The following CCDC125 variants were observed in gnomAD, a reference collection of about 807,000 sequenced individuals.
The protein encoded by CCDC125 is coiled-coil domain-containing protein 125.
Under a neutral mutation model 57.4 loss-of-function variants are expected in CCDC125, and 43 were observed. The observed-to-expected ratio is 0.75, with a 90% CI of 0.59 to 0.97. CCDC125 has a LOEUF of 0.97. CCDC125 is among the 50% of genes least tolerant of loss of function. The probability of loss-of-function intolerance (pLI) is 0.00; values close to 1 mark genes in which losing one functional copy is unlikely to be tolerated. For synonymous variants in CCDC125, 187 were observed against 195.2 expected (o/e 0.96, Z 0.35); for missense variants, 563 against 595.7 (o/e 0.95, Z 0.57).
chr5:69,278,519 T>G (rs950436250), downstream of CCDC125, among the ~76,000 whole-genome samples: 1 of 151,972 alleles, frequency 6.6e-6, no homozygotes, highest in African/African-American at 2.4e-5. Context: ...AGCCAATACT[T>G]CACTTTATTT....
At chr5:69,322,948 G>A (rs950394171) in intron 1 of CCDC125, among the ~76,000 whole-genome samples, 1 of 151,972 alleles carries the variant, frequency 6.6e-6, no homozygotes, top group Non-Finnish European at 1.5e-5. Context: ...GGTGGAGGCT[G>A]CAGTGAGCCA....
chr5:69,277,049 A>G (rs572455178), downstream of CCDC125: 30 of 1,443,626 alleles, frequency 2.1e-5, no homozygotes, highest in African/African-American at 4.3e-4. Flanking sequence ...TGCTATGAGA[A>G]TGTGAACTTT....
Position 69,282,717 on chromosome 5 carries a change from A to G in CCDC125, c.*12T>C. 6.4e-7 allele frequency: 1 copy of G among 1,555,052 alleles called. No homozygotes were observed. Among genetic ancestry groups the G allele is most frequent in the Non-Finnish European group, 8.7e-7 (1 of 1,154,050 alleles). On this transcript the variant is annotated 3_prime_UTR_variant, in exon 12 of 12. Coordinates refer to ENST00000396496, the MANE Select transcript of CCDC125 (RefSeq NM_176816.5). Reference sequence around the variant, plus strand: ...TAAACAACTCTCAGTTCCAATTTCAACTGGCTTGTCTTTAAAATATGATAC... The same window carrying G: ...TAAACAACTCTCAGTTCCAATTTCAGCTGGCTTGTCTTTAAAATATGATAC...
intron 2 of CCDC125, among the ~76,000 whole-genome samples, chr5:69,318,308 A>G (rs1222369178): frequency 6.6e-6 from 1 of 151,932 alleles, no homozygotes; most frequent in South Asian, 2.1e-4. Context: ...TTAGCCGGAT[A>G]TGGTGGAACA....
At chr5:69,278,796 G>T (rs545982830), downstream of CCDC125, among the ~76,000 whole-genome samples, 1 of 150,324 alleles carries the variant, frequency 6.7e-6, no homozygotes, top group South Asian at 2.1e-4. Context: ...GAACTCCTGG[G>T]CTCAAGCCAT....
intron 5 of CCDC125, 106 bp downstream of exon 5, chr5:69,307,845 G>T: frequency 1.2e-6 from 1 of 805,978 alleles, no homozygotes; most frequent in Non-Finnish European, 2.1e-6. Flanking sequence ...AGCACACCTA[G>T]CAGAAGGTAG....
intron 10 of CCDC125, among the ~76,000 whole-genome samples, chr5:69,291,366 A>AT (rs796227961): frequency 0.015 from 2,174 of 145,730 alleles, 45 homozygotes; most frequent in African/African-American, 0.048. Flanking sequence ...AATACTGATC[A>AT]TTTTTTTTTT....
chr5:69,274,906 C>T, the CCDC125 span, among the ~76,000 whole-genome samples: 1 of 152,014 alleles, frequency 6.6e-6, no homozygotes, highest in African/African-American at 2.4e-5. Flanking sequence ...ATGAGCCACC[C>T]CGCCCTGCCA....
intron 7 of CCDC125, among the ~76,000 whole-genome samples, chr5:69,300,823 C>G (rs1210265809): frequency 5.8e-5 from 3 of 51,354 alleles, no homozygotes; most frequent in Non-Finnish European, 1.4e-4. Flanking sequence ...CCGCTCTCAG[C>G]CCCAGGGCCT....
chr5:69,306,205 G>A (rs917549454), intron 6 of CCDC125, among the ~76,000 whole-genome samples: 2 of 151,498 alleles, frequency 1.3e-5, no homozygotes, highest in African/African-American at 4.9e-5. Flanking sequence ...GAAATTACAG[G>A]TGTGAGCCAT....
At chr5:69,276,133 A>C (rs985181330), downstream of CCDC125, among the ~76,000 whole-genome samples, 10 of 152,090 alleles carry the variant, frequency 6.6e-5, no homozygotes, top group South Asian at 8.3e-4. Context: ...GGTTCAAGCG[A>C]TTCTCCTACC....
At chr5:69,331,225 T>C (rs1175594181) in intron 1 of CCDC125, among the ~76,000 whole-genome samples, 2 of 151,560 alleles carry the variant, frequency 1.3e-5, no homozygotes, top group Non-Finnish European at 2.9e-5. Flanking sequence ...TCGCTTGAAC[T>C]TGGGAGGTGG....
chr5:69,302,420 C>CAAAA (rs70992918), intron 7 of CCDC125, among the ~76,000 whole-genome samples: 3 of 30,738 alleles, frequency 9.8e-5, no homozygotes, highest in Non-Finnish European at 9.9e-5. Flanking sequence ...GACTCCATCT[C>CAAAA]AAAAAAAAAA....
intron 1 of CCDC125, among the ~76,000 whole-genome samples, chr5:69,331,792 C>T (rs556535439): frequency 1.6e-4 from 25 of 152,300 alleles, no homozygotes; most frequent in Admixed American, 5.2e-4. Context: ...CAGTTCAGGA[C>T]AGCACTCCCT....
chr5:69,323,567 A>T (rs893334182), intron 1 of CCDC125, among the ~76,000 whole-genome samples: 4 of 152,160 alleles, frequency 2.6e-5, no homozygotes, highest in South Asian at 2.1e-4. Flanking sequence ...GAATCAACCA[A>T]TGTGGAACTC....
intron 7 of CCDC125, among the ~76,000 whole-genome samples, chr5:69,301,273 G>T (rs1372720481): frequency 7.2e-5 from 11 of 152,020 alleles, no homozygotes; most frequent in Non-Finnish European, 1.0e-4. Flanking sequence ...ACAGCGCCTG[G>T]CTTGTGATTT....
intron 1 of CCDC125, among the ~76,000 whole-genome samples, chr5:69,321,797 T>C (rs772524969): frequency 6.6e-6 from 1 of 152,226 alleles, no homozygotes; most frequent in Non-Finnish European, 1.5e-5. Flanking sequence ...CGCACATAAA[T>C]GCCCTTGCAA....
chr5:69,316,188 A>G (rs1010257865), intron 2 of CCDC125, among the ~76,000 whole-genome samples: 1 of 152,194 alleles, frequency 6.6e-6, no homozygotes, highest in Non-Finnish European at 1.5e-5. Flanking sequence ...CTGTTCTATT[A>G]ATACTTGTGG....
intron 9 of CCDC125, chr5:69,294,169 T>C (rs1754948935): frequency 1.0e-6 from 1 of 979,324 alleles, no homozygotes; most frequent in Non-Finnish European, 1.2e-6. Flanking sequence ...CCTAGTGATT[T>C]TAAGCATAAA....
Sources: gnomAD v4.1 joint callset for allele counts (sites outside exome capture counted in the v4.1 genomes callset) on GRCh38, gnomAD v4.1.1 for gene constraint, MANE v1.5 for transcripts, NCBI Gene and HGNC (gene_info 2026-07-23, HGNC 2026-07-21) for gene names.